The following TRABD2B variants were observed in gnomAD, a reference collection of about 807,000 sequenced individuals.
TRABD2B encodes TraB domain containing 2B.
TRABD2B carries 14 observed loss-of-function variants against 40.1 expected under a neutral mutation model. The ratio of observed to expected loss-of-function variants is 0.35; its 90% CI spans 0.23 to 0.55. The LOEUF (loss-of-function observed/expected upper bound fraction) is 0.55. Among genes scored for constraint, TRABD2B ranks in the 20% least tolerant of loss-of-function variants. The pLI, the probability that TRABD2B is intolerant of heterozygous loss-of-function variation, is 0.90. For synonymous variants in TRABD2B, 263 were observed against 277.0 expected (o/e 0.95, Z 0.50); for missense variants, 541 against 648.6 (o/e 0.83, Z 1.80).
At chr1:47,882,572 G>C (rs745472857) in intron 2 of TRABD2B, among the ~76,000 whole-genome samples, 1 of 152,158 alleles carries the variant, frequency 6.6e-6, no homozygotes, top group African/African-American at 2.4e-5. Flanking sequence ...ATGCACATAG[G>C]GGTGTTTGTG....
At chr1:47,862,392 A>T (rs1385599017) in intron 2 of TRABD2B, among the ~76,000 whole-genome samples, 2 of 152,218 alleles carry the variant, frequency 1.3e-5, no homozygotes, top group Non-Finnish European at 2.9e-5. Context: ...ACAAGTTTGC[A>T]GGATACAAGA....
rs187504262 is a variant in TRABD2B, at chr1:47,978,781, G to A, written c.666+15253C>T. On this transcript the variant is annotated intron_variant, in intron 2 of 6. Coordinates refer to ENST00000606738, the MANE Select transcript of TRABD2B (RefSeq NM_001194986.2). The stretch of plus-strand genomic sequence containing the variant: ...CCCTCTGACGTCCTCGCTCCTCCCC[G>A]GTGCCCCACACATGGTTTGAATTTA... 1.7e-3 allele frequency among the ~76,000 whole-genome samples: 252 copies of A among 152,166 alleles called. 1 individual carries two copies. Among genetic ancestry groups the A allele is most frequent in the African/African-American group, 5.5e-3 (228 of 41,516 alleles).
intron 2 of TRABD2B, among the ~76,000 whole-genome samples, chr1:47,884,546 T>C (rs565175167): frequency 8.5e-5 from 13 of 152,338 alleles, no homozygotes; most frequent in Admixed American, 5.2e-4. Context: ...ACTCTTCTAA[T>C]GGAGTCCAGC....
intron 2 of TRABD2B, among the ~76,000 whole-genome samples, chr1:47,849,674 CTT>C (rs1645520847): frequency 6.6e-6 from 1 of 152,182 alleles, no homozygotes; most frequent in Admixed American, 6.5e-5. Context: ...CATTGTCAGT[CTT>C]TGTTGTTTTG....
At chr1:47,775,901 T>A (rs1160719444) in intron 5 of TRABD2B, among the ~76,000 whole-genome samples, 1 of 152,064 alleles carries the variant, frequency 6.6e-6, no homozygotes, top group African/African-American at 2.4e-5. Context: ...GAGCCCAGGC[T>A]AGGAAGACGT....
intron 6 of TRABD2B, among the ~76,000 whole-genome samples, chr1:47,767,653 G>A (rs917887060): frequency 1.3e-5 from 2 of 152,264 alleles, no homozygotes; most frequent in Admixed American, 6.5e-5. Flanking sequence ...CTCAATAGCA[G>A]ATGGGTGGGC....
intron 2 of TRABD2B, among the ~76,000 whole-genome samples, chr1:47,909,562 G>GA (rs1557651136): frequency 3.3e-4 from 1 of 2,992 alleles, no homozygotes; most frequent in Non-Finnish European, 0.01. Context: ...AAGGAAGAAG[G>GA]AGGAGGAGGA....
chr1:47,958,045 GGT>G (rs1645451158), intron 2 of TRABD2B, among the ~76,000 whole-genome samples: 1 of 152,084 alleles, frequency 6.6e-6, no homozygotes, highest in Non-Finnish European at 1.5e-5. Context: ...ATAGAGTAGG[GGT>G]CAATATTCAA....
intron 2 of TRABD2B, among the ~76,000 whole-genome samples, chr1:47,962,620 G>T (rs886792354): frequency 3.3e-5 from 5 of 152,172 alleles, no homozygotes; most frequent in Non-Finnish European, 7.3e-5. Context: ...CTTTACATAT[G>T]ATTGATTCAT....
At chr1:47,843,144 G>C (rs1244529749) in intron 2 of TRABD2B, among the ~76,000 whole-genome samples, 3 of 152,140 alleles carry the variant, frequency 2.0e-5, no homozygotes, top group Non-Finnish European at 4.4e-5. Context: ...TGTCAAGCAG[G>C]ACCTAAGGCC....
chr1:47,880,700 T>C (rs1644291369), intron 2 of TRABD2B, among the ~76,000 whole-genome samples: 1 of 152,184 alleles, frequency 6.6e-6, no homozygotes, highest in Non-Finnish European at 1.5e-5. Context: ...AGATGCTCCA[T>C]GGGAGGCCTG....
chr1:47,877,190 T>C (rs532046525), intron 2 of TRABD2B, among the ~76,000 whole-genome samples: 1 of 151,710 alleles, frequency 6.6e-6, no homozygotes, highest in African/African-American at 2.4e-5. Context: ...GCTCTGTGTA[T>C]ATTTTGGCAA....
At chr1:47,834,465 T>G (rs980989393) in intron 2 of TRABD2B, among the ~76,000 whole-genome samples, 3 of 152,150 alleles carry the variant, frequency 2.0e-5, no homozygotes, top group African/African-American at 7.2e-5. Context: ...GAGAAGGCTC[T>G]AAGCTCTCAC....
intron 2 of TRABD2B, among the ~76,000 whole-genome samples, chr1:47,855,342 C>CT (rs764714061): frequency 3.9e-5 from 6 of 152,206 alleles, no homozygotes; most frequent in Non-Finnish European, 8.8e-5. Context: ...ATCCCAGTCC[C>CT]TTCTCTTGTC....
chr1:47,783,885 C>T (rs927749032), intron 4 of TRABD2B, among the ~76,000 whole-genome samples: 21 of 152,180 alleles, frequency 1.4e-4, no homozygotes, highest in Non-Finnish European at 4.4e-5. Context: ...ACTGTTAGAA[C>T]ACCCCACTCA....
intron 2 of TRABD2B, among the ~76,000 whole-genome samples, chr1:47,959,624 A>C (rs576144439): frequency 6.6e-6 from 1 of 152,344 alleles, no homozygotes; most frequent in South Asian, 2.1e-4. Context: ...GAAATGGATA[A>C]ATTCCTGGAC....
At chr1:47,965,840 C>T (rs1409531440) in intron 2 of TRABD2B, among the ~76,000 whole-genome samples, 1 of 152,158 alleles carries the variant, frequency 6.6e-6, no homozygotes, top group East Asian at 1.9e-4. Context: ...AAACCTAAGG[C>T]TATCCCAGAC....
intron 2 of TRABD2B, among the ~76,000 whole-genome samples, chr1:47,874,988 C>G (rs1570179743): frequency 6.6e-6 from 1 of 152,138 alleles, no homozygotes; most frequent in African/African-American, 2.4e-5. Context: ...TCAACTCAGT[C>G]TGTCCTCACA....
intron 2 of TRABD2B, among the ~76,000 whole-genome samples, chr1:47,815,298 G>T (rs1327705325): frequency 2.6e-5 from 4 of 152,212 alleles, no homozygotes; most frequent in South Asian, 2.1e-4. Flanking sequence ...GCTATCCAAG[G>T]CCTCCTTGTT....
Sources: allele counts gnomAD v4.1 joint callset (sites outside exome capture counted in the v4.1 genomes callset), GRCh38; gene constraint gnomAD v4.1.1; transcripts MANE v1.5; gene names NCBI Gene and HGNC (gene_info 2026-07-23, HGNC 2026-07-21).